Variants in TEC observed in about 807,000 individuals in gnomAD.
TEC encodes tec protein tyrosine kinase.
In TEC, 72 loss-of-function variants were observed where a neutral mutation model predicts 93.0. The ratio of observed to expected loss-of-function variants is 0.77; its 90% CI spans 0.64 to 0.94. TEC has a LOEUF of 0.94. Ranked by LOEUF, TEC falls within the 40% of genes least tolerant of loss-of-function variation. TEC has a pLI of 0.00. For missense variants in TEC, 630 were observed against 757.9 expected (o/e 0.83, Z 1.98); for synonymous variants, 249 against 247.7 (o/e 1.01, Z -0.05).
intron 2 of TEC, among the ~76,000 whole-genome samples, chr4:48,189,161 C>T (rs1347719609): frequency 6.6e-6 from 1 of 152,138 alleles, no homozygotes. Context: ...ATGGCAAATT[C>T]ATCTAAGTAG....
chr4:48,257,814 G>A (rs1577675248), intron 1 of TEC, among the ~76,000 whole-genome samples: 3 of 152,070 alleles, frequency 2.0e-5, no homozygotes, highest in Admixed American at 2.0e-4. Context: ...TACCTTTCTA[G>A]ACTGAAAATT....
chr4:48,167,983 T>G, intron 6 of TEC, 30 bp from the exon 7 acceptor site: 1 of 1,603,522 alleles, frequency 6.2e-7, no homozygotes, highest in East Asian at 2.2e-5. Flanking sequence ...TTTGAAAGTT[T>G]AGTCTTCTAT....
chr4:48,148,795 G>A (rs141688093), intron 11 of TEC, among the ~76,000 whole-genome samples: 10,715 of 152,228 alleles, frequency 0.07, 505 homozygotes, highest in South Asian at 0.13. Flanking sequence ...GTACCCATTA[G>A]TTGTTTTTCC....
intron 2 of TEC, among the ~76,000 whole-genome samples, chr4:48,198,976 C>T (rs565273849): frequency 6.6e-6 from 1 of 152,308 alleles, no homozygotes; most frequent in African/African-American, 2.4e-5. Flanking sequence ...ATTCTTAAAG[C>T]ATCTTTGAAG....
intron 8 of TEC, among the ~76,000 whole-genome samples, chr4:48,158,535 A>G (rs1476838939): frequency 6.6e-6 from 1 of 152,230 alleles, no homozygotes; most frequent in Non-Finnish European, 1.5e-5. Flanking sequence ...AAACATTCAC[A>G]AAAATTAACT....
At chr4:48,142,844 C>T (rs934186224) in intron 14 of TEC, among the ~76,000 whole-genome samples, 1 of 151,982 alleles carries the variant, frequency 6.6e-6, no homozygotes, top group Non-Finnish European at 1.5e-5. Context: ...CCACGCCTGG[C>T]TAATTTTTTT....
intron 1 of TEC, among the ~76,000 whole-genome samples, chr4:48,260,142 T>A (rs1724460569): frequency 6.6e-6 from 1 of 152,234 alleles, no homozygotes; most frequent in Non-Finnish European, 1.5e-5. Flanking sequence ...GACCTATAAC[T>A]GGGTACATAA....
At chr4:48,158,228 A>C (rs1258130994) in intron 8 of TEC, among the ~76,000 whole-genome samples, 2 of 152,224 alleles carry the variant, frequency 1.3e-5, no homozygotes, top group Non-Finnish European at 2.9e-5. Flanking sequence ...AAAAGACAAT[A>C]CAAGATCTTT....
chr4:48,188,659 G>A (rs551480436), intron 2 of TEC, among the ~76,000 whole-genome samples: 5 of 152,098 alleles, frequency 3.3e-5, no homozygotes, highest in South Asian at 2.1e-4. Context: ...ACATGCACGC[G>A]TATGTGTGCA....
intron 2 of TEC, among the ~76,000 whole-genome samples, chr4:48,192,915 G>A (rs560398970): frequency 6.4e-4 from 97 of 152,236 alleles, no homozygotes; most frequent in African/African-American, 2.2e-3. Flanking sequence ...GTCTAATAAA[G>A]GTCACCAACT....
chr4:48,152,435 C>CATAAATAA (rs3062030), intron 9 of TEC, among the ~76,000 whole-genome samples: 359 of 149,720 alleles, frequency 2.4e-3, no homozygotes, highest in Middle Eastern at 3.4e-3. Flanking sequence ...GAGATACTAT[C>CATAAATAA]ATAAATAAAT....
intron 17 of TEC, among the ~76,000 whole-genome samples, chr4:48,138,265 C>T (rs930370410): frequency 5.9e-5 from 9 of 152,152 alleles, no homozygotes; most frequent in Non-Finnish European, 1.3e-4. Flanking sequence ...TAGGAGGTAA[C>T]ATTTCAATAC....
intron 2 of TEC, among the ~76,000 whole-genome samples, chr4:48,207,696 G>A (rs968305190): frequency 6.6e-6 from 1 of 152,034 alleles, no homozygotes; most frequent in African/African-American, 2.4e-5. Flanking sequence ...GCTGAGGTGG[G>A]AGGATCACCT....
At chr4:48,183,621 C>A (rs1263991662) in intron 2 of TEC, among the ~76,000 whole-genome samples, 1 of 152,206 alleles carries the variant, frequency 6.6e-6, no homozygotes, top group Non-Finnish European at 1.5e-5. Flanking sequence ...AAGGCTTCCA[C>A]CAGCAGCCTC....
At position 48,137,387 on chromosome 4, in the gene TEC, G is replaced by A. The variant is rs765056557; in HGVS notation, c.*29C>T. 2 of 1,585,432 alleles carry A rather than the reference G, an allele frequency of 1.3e-6. No homozygotes were observed. Among genetic ancestry groups the A allele is most frequent in the South Asian group, 2.2e-5 (2 of 89,364 alleles). ...AATGCCCATCCTTCCTTGTGCTTGG[G>A]AATCTGGGAGCCACTGGTCACACAT... On this transcript the variant is annotated 3_prime_UTR_variant, in exon 18 of 18. Coordinates refer to ENST00000381501, the MANE Select transcript of TEC (RefSeq NM_003215.3).
Position 48,167,835 on chromosome 4 carries a change from T to C in TEC, c.614A>G (p.Glu205Gly). ...GHDLRLERGQ[E>G]YLILEKNDVH... Reference sequence around the variant, plus strand: ...ATCATTCTTTTCTAAAATGAGATACTCTTGGCCTCTCTCTAATCTGAGATC... The same window carrying C: ...ATCATTCTTTTCTAAAATGAGATACCCTTGGCCTCTCTCTAATCTGAGATC... Residue 205 changes from glutamate (E) to glycine (G), a missense_variant, in exon 7 of 18, where the codon GAG becomes GGG. Glu to Gly is a moderately conservative substitution (Grantham distance 98). Transcript: ENST00000381501. The C allele has an allele frequency of 6.2e-7, 1 of 1,613,980 alleles. No homozygotes were observed. The highest frequency in any genetic ancestry group is 8.5e-7 in the Non-Finnish European group (1 of 1,179,896).
At chr4:48,213,097 C>T (rs999335795) in intron 2 of TEC, among the ~76,000 whole-genome samples, 4 of 152,162 alleles carry the variant, frequency 2.6e-5, no homozygotes, top group African/African-American at 7.2e-5. Context: ...ATCCATGTGA[C>T]TTTCGTAGTC....
Position 48,138,683 on chromosome 4 carries a change from C to T in TEC, c.1794G>A (p.Met598Ile), listed in dbSNP as rs1719529551. 2 of 1,610,624 alleles carry T rather than the reference C, an allele frequency of 1.2e-6. No homozygotes were observed. The highest frequency in any genetic ancestry group is 1.3e-5 in the African/African-American group (1 of 74,792). ...KLASNYVYEV[M>I]LRCWQEKPEG... ...TCTATACCTCCTGCCAACATCTCAG[C>T]ATCACCTCATACACATAGTTGGACG... Residue 598 changes from methionine to isoleucine, a missense_variant, in exon 17 of 18, where the codon ATG (methionine) becomes ATA (isoleucine). By Grantham distance (10) the Met-to-Ile change is conservative. Coordinates refer to ENST00000381501, the MANE Select transcript of TEC (RefSeq NM_003215.3).
chr4:48,205,259 C>T (rs2109602323), intron 2 of TEC, among the ~76,000 whole-genome samples: 1 of 152,296 alleles, frequency 6.6e-6, no homozygotes, highest in Middle Eastern at 3.4e-3. Context: ...AGCAGGCAGC[C>T]TCAGTGAGGC....
Sources: gnomAD v4.1 joint callset for allele counts (sites outside exome capture counted in the v4.1 genomes callset) on GRCh38, gnomAD v4.1.1 for gene constraint, MANE v1.5 for transcripts, NCBI Gene and HGNC (gene_info 2026-07-23, HGNC 2026-07-21) for gene names.